UBE2J1: variants seen among roughly 807,000 people sequenced by gnomAD.
UBE2J1 encodes ubiquitin conjugating enzyme E2 J1.
UBE2J1 carries 17 observed loss-of-function variants against 42.1 expected under a neutral mutation model. That is an observed-to-expected ratio of 0.40 (90% CI 0.28 to 0.61). UBE2J1 has a LOEUF of 0.61. Ranked by LOEUF, UBE2J1 falls within the 20% of genes least tolerant of loss-of-function variation. The probability of loss-of-function intolerance (pLI) is 0.38; values close to 1 mark genes in which losing one functional copy is unlikely to be tolerated. For missense variants in UBE2J1, 291 were observed against 389.4 expected (o/e 0.75, Z 2.13); for synonymous variants, 127 against 137.2 (o/e 0.93, Z 0.52).
At position 89,329,791 on chromosome 6, in the gene UBE2J1, G is replaced by T. The variant is rs765625801; in HGVS notation, c.845C>A (p.Thr282Asn). The T allele has an allele frequency of 5.0e-6, 8 of 1,614,014 alleles. No homozygotes were observed. In the African/African-American group the frequency reaches 1.1e-4, roughly 22 times the overall value. Reference sequence around the variant, plus strand: ...CAGTACAGCTGACCCACCATGATCAGTGTGGTTGTCTCTTGGCTGGTGGCC... The same window carrying T: ...CAGTACAGCTGACCCACCATGATCATTGTGGTTGTCTCTTGGCTGGTGGCC... ...IQGHQPRDNH[T>N]DHGGSAVLIV... The change falls in exon 8 of 8, where the codon ACT (threonine) becomes AAT (asparagine). Residue 282 changes from threonine (T) to asparagine (N), a missense_variant. Thr to Asn is a moderately conservative substitution (Grantham distance 65). Around this residue, in one of 2 missense-constraint regions of UBE2J1, gnomAD observed 176 missense variants for 196.3 expected, o/e 0.90. Transcript: ENST00000435041.
At chr6:89,337,628 C>T (rs994926292) in intron 5 of UBE2J1, among the ~76,000 whole-genome samples, 1 of 152,100 alleles carries the variant, frequency 6.6e-6, no homozygotes, top group African/African-American at 2.4e-5. Flanking sequence ...AGAGGGGCTA[C>T]TCTGAATGGA....
rs1767939958 is a variant in UBE2J1 at position 89,328,064 on chromosome 6, C to A, written c.*1615G>T. 6.6e-6 allele frequency: 1 copy of A among 152,146 alleles called. No homozygotes were observed. Among genetic ancestry groups the A allele is most frequent in the South Asian group, 2.1e-4 (1 of 4,838 alleles). The allele number at this position is 152,146 out of a possible 1,614,324, so 9.4% of individuals were successfully genotyped here. ...TTCAGCTACAGATATAAAAAATAATCTGTAAACACCTTTAAAATGCGAATT... is the reference window on the plus strand; with the variant it reads ...TTCAGCTACAGATATAAAAAATAATATGTAAACACCTTTAAAATGCGAATT... On this transcript the variant is annotated 3_prime_UTR_variant, in exon 8 of 8. Transcript: ENST00000435041.
chr6:89,351,533 C>CA (rs920753223), intron 1 of UBE2J1, among the ~76,000 whole-genome samples: 6 of 152,234 alleles, frequency 3.9e-5, no homozygotes, highest in Non-Finnish European at 5.9e-5. Flanking sequence ...TGAAACCTTA[C>CA]AAAAAACCCA....
chr6:89,342,671 A>G (rs1028276968), intron 2 of UBE2J1, among the ~76,000 whole-genome samples: 24 of 152,224 alleles, frequency 1.6e-4, no homozygotes, highest in Admixed American at 1.4e-3. Context: ...ATTGAGCTAA[A>G]ATATTTTATA....
At chr6:89,342,662 T>TAAATA (rs1768270549) in intron 2 of UBE2J1, among the ~76,000 whole-genome samples, 1 of 152,214 alleles carries the variant, frequency 6.6e-6, no homozygotes, top group African/African-American at 2.4e-5. Flanking sequence ...TCATGTTCCA[T>TAAATA]TGAGCTAAAA....
intron 1 of UBE2J1, among the ~76,000 whole-genome samples, chr6:89,348,207 T>C (rs982908788): frequency 2.0e-5 from 3 of 152,174 alleles, no homozygotes; most frequent in Admixed American, 1.3e-4. Context: ...TGTGGTGAGA[T>C]AAGATGTGCC....
rs1218819342 is a variant in UBE2J1, at chr6:89,328,014, C to G, written c.*1665G>C. ...CATATAATGAGATCTTCATAAAGTCCTTGAGCTTTTTAGACTTTAACAAAT... is the reference window on the plus strand; with the variant it reads ...CATATAATGAGATCTTCATAAAGTCGTTGAGCTTTTTAGACTTTAACAAAT... On this transcript the variant is annotated 3_prime_UTR_variant, in exon 8 of 8. Coordinates refer to ENST00000435041, the MANE Select transcript of UBE2J1 (RefSeq NM_016021.3). 3 of 152,038 alleles carry G rather than the reference C, an allele frequency of 2.0e-5. No individual in the cohort carries two copies. Among genetic ancestry groups the G allele is most frequent in the Admixed American group, 6.5e-5 (1 of 15,270 alleles). The allele number at this position is 152,038 out of a possible 1,614,324, so 9.4% of individuals were successfully genotyped here. A position where few individuals can be genotyped will look rare whatever the true frequency, so the allele number is the denominator to read the frequency against.
intron 3 of UBE2J1, among the ~76,000 whole-genome samples, chr6:89,338,758 C>T (rs564671145): frequency 2.8e-4 from 42 of 149,106 alleles, no homozygotes; most frequent in Admixed American, 2.1e-3. Context: ...ATCCACCTCC[C>T]GGGTTCACGC....
intron 7 of UBE2J1, among the ~76,000 whole-genome samples, chr6:89,331,693 T>G (rs1412625415): frequency 6.6e-6 from 1 of 152,126 alleles, no homozygotes; most frequent in Non-Finnish European, 1.5e-5. Context: ...TAAGTATAAC[T>G]GGAATATGTA....
Position 89,352,604 on chromosome 6 carries a change from C to A in UBE2J1, c.-35G>T. The A allele has an allele frequency of 6.5e-7, 1 of 1,544,470 alleles. No individual in the cohort carries two copies. Among genetic ancestry groups the A allele is most frequent in the Non-Finnish European group, 8.7e-7 (1 of 1,153,232 alleles). On this transcript the variant is annotated 5_prime_UTR_variant, in exon 1 of 8. Transcript: ENST00000435041. ...CTGGCTTGGCTCCGGCCTCCCGGGC[C>A]GCTGCCACCTCCTCTCCACGCGGCC...
At chr6:89,342,903 C>A (rs187902037) in intron 2 of UBE2J1, among the ~76,000 whole-genome samples, 1 of 152,166 alleles carries the variant, frequency 6.6e-6, no homozygotes, top group African/African-American at 2.4e-5. Flanking sequence ...TGTCATCTTA[C>A]AGTTACCATG....
intron 7 of UBE2J1, among the ~76,000 whole-genome samples, chr6:89,331,123 A>C (rs1342487936): frequency 6.6e-6 from 1 of 152,214 alleles, no homozygotes; most frequent in Non-Finnish European, 1.5e-5. Flanking sequence ...ACAACAACAA[A>C]AAAATCATAG....
At chr6:89,341,071 G>A (rs772182676) in intron 3 of UBE2J1, among the ~76,000 whole-genome samples, 69 of 152,182 alleles carry the variant, frequency 4.5e-4, no homozygotes, top group Non-Finnish European at 8.4e-4. Flanking sequence ...CACCGCGCCC[G>A]GCCTAATTTG....
At chr6:89,345,375 G>A (rs1457807439) in intron 1 of UBE2J1, among the ~76,000 whole-genome samples, 3 of 152,206 alleles carry the variant, frequency 2.0e-5, no homozygotes, top group Non-Finnish European at 4.4e-5. Context: ...ACCGAGGCGA[G>A]TGGATCACCT....
In UBE2J1 at chr6:89,343,658, G is replaced by A. The variant is rs1768302030; in HGVS notation, c.105+25C>T. 8 of 1,544,426 alleles carry A rather than the reference G, an allele frequency of 5.2e-6. No homozygotes were observed. The East Asian group carries it at 1.6e-4, about 31-fold the overall frequency. On this transcript the variant is annotated intron_variant, in intron 2 of 7. Coordinates refer to ENST00000435041, the MANE Select transcript of UBE2J1 (RefSeq NM_016021.3). ...TTGTTTTAAATATTAAAATCCATAT[G>A]AAGAACATGGAGATAGAAACTAACC...
intron 6 of UBE2J1, 55 bp downstream of exon 6, chr6:89,335,247 C>G (rs1328954058): frequency 4.1e-6 from 6 of 1,481,280 alleles, no homozygotes; most frequent in Non-Finnish European, 5.5e-6. Flanking sequence ...TATGCAGAAT[C>G]CAGCAGTAAA....
At chr6:89,335,269 C>A in intron 6 of UBE2J1, 33 bp downstream of exon 6, 2 of 1,535,034 alleles carry the variant, frequency 1.3e-6, no homozygotes, top group Admixed American at 2.0e-5. Flanking sequence ...AAAAGGGTTG[C>A]AAGATTAGCA....
At position 89,342,777 on chromosome 6, in the gene UBE2J1, G is replaced by A. The variant is rs143828275; in HGVS notation, c.106-322C>T. 4.4e-3 allele frequency among the ~76,000 whole-genome samples: 673 copies of A among 152,110 alleles called. 7 individuals are homozygous for A. The highest frequency in any genetic ancestry group is 0.015 in the African/African-American group (640 of 41,506). On this transcript the variant is annotated intron_variant, in intron 2 of 7. Transcript: ENST00000435041. Reference sequence around the variant, plus strand: ...AATCCTTGAAAGAATAGCAAATTATGATAATTATATAATCAAAAAATTACT... The same window carrying A: ...AATCCTTGAAAGAATAGCAAATTATAATAATTATATAATCAAAAAATTACT...
intron 1 of UBE2J1, among the ~76,000 whole-genome samples, chr6:89,345,955 C>T (rs1768356354): frequency 1.1e-4 from 17 of 150,404 alleles, no homozygotes; most frequent in Admixed American, 1.1e-3. Flanking sequence ...GGTACGAACA[C>T]AGCTCACTCA....
Sources: gnomAD v4.1 joint callset for allele counts (sites outside exome capture counted in the v4.1 genomes callset) on GRCh38, gnomAD v4.1.1 for gene constraint, gnomAD v4.1.1 regional missense constraint, MANE v1.5 for transcripts, NCBI Gene and HGNC (gene_info 2026-07-23, HGNC 2026-07-21) for gene names.